The following PDLIM4 variants were observed in gnomAD, a reference collection of about 807,000 sequenced individuals.
PDLIM4 encodes PDZ and LIM domain 4.
In PDLIM4, 19 loss-of-function variants were observed where a neutral mutation model predicts 31.3. The observed-to-expected ratio is 0.61, with a 90% confidence interval of 0.42 to 0.89. The LOEUF (loss-of-function observed/expected upper bound fraction) is 0.89, where lower values mean the gene tolerates loss of function less well. Among genes scored for constraint, PDLIM4 ranks in the 40% least tolerant of loss-of-function variants. PDLIM4 has a pLI of 0.00. For missense variants in PDLIM4, 442 were observed against 461.1 expected (o/e 0.96, Z 0.38); for synonymous variants, 176 against 190.1 (o/e 0.93, Z 0.61).
intron 1 of PDLIM4, among the ~76,000 whole-genome samples, chr5:132,260,342 C>G (rs1306458411): frequency 6.6e-6 from 1 of 152,188 alleles, no homozygotes; most frequent in Non-Finnish European, 1.5e-5. Flanking sequence ...GACGGATCGG[C>G]CTGAATTCCA....
At chr5:132,259,336 G>A (rs1317795134) in intron 1 of PDLIM4, among the ~76,000 whole-genome samples, 1 of 152,112 alleles carries the variant, frequency 6.6e-6, no homozygotes, top group Non-Finnish European at 1.5e-5. Context: ...TGTTGCCCAC[G>A]CGGCTGCCTG....
intron 1 of PDLIM4, among the ~76,000 whole-genome samples, chr5:132,258,643 G>A (rs1439348621): frequency 6.6e-6 from 1 of 152,188 alleles, no homozygotes; most frequent in South Asian, 2.1e-4. Flanking sequence ...GCCCAGCCTC[G>A]ACATCCTCGT....
At chr5:132,269,656 A>G (rs1032319943) in intron 3 of PDLIM4, among the ~76,000 whole-genome samples, 1 of 152,034 alleles carries the variant, frequency 6.6e-6, no homozygotes, top group African/African-American at 2.4e-5. Flanking sequence ...AGGCTCAACT[A>G]TGCCTCAGAG....
At chr5:132,271,625 C>T in intron 5 of PDLIM4, 159 bp downstream of exon 5, 1 of 943,686 alleles carries the variant, frequency 1.1e-6, no homozygotes, top group Non-Finnish European at 1.7e-6. Flanking sequence ...GCCCTGGCTT[C>T]CCGATTCCCT....
At position 132,266,491 on chromosome 5, in the gene PDLIM4, C is replaced by T; in HGVS notation, c.273C>T (p.Ala91=). 1.9e-6 allele frequency: 3 copies of T among 1,612,944 alleles called. No individual in the cohort carries two copies. The highest frequency in any genetic ancestry group is 1.7e-6 in the Non-Finnish European group (2 of 1,179,100). The stretch of plus-strand genomic sequence containing the variant: ...CTGAGGGTAGGAGCTGGCCCAGTGC[C>T]CCTGATGACAGCAAGGCTCAGGCAC... ...SRPEGRSWPS[A]PDDSKAQAHR... The change falls in exon 3 of 7, where the codon GCC becomes GCT. Residue 91 remains alanine, a synonymous_variant. Transcript: ENST00000253754.
intron 3 of PDLIM4, among the ~76,000 whole-genome samples, chr5:132,267,273 T>C (rs1262266546): frequency 6.6e-6 from 1 of 152,188 alleles, no homozygotes; most frequent in Non-Finnish European, 1.5e-5. Flanking sequence ...CATTGCCTCC[T>C]GGGCCTGCCT....
At chr5:132,265,022 T>G (rs1756459194) in intron 2 of PDLIM4, among the ~76,000 whole-genome samples, 1 of 152,108 alleles carries the variant, frequency 6.6e-6, no homozygotes. Flanking sequence ...AAATCACACT[T>G]CCTGGGCATG....
chr5:132,258,072 C>T (rs1231800196), intron 1 of PDLIM4, among the ~76,000 whole-genome samples: 1 of 152,222 alleles, frequency 6.6e-6, no homozygotes, highest in Non-Finnish European at 1.5e-5. Context: ...ACCCGCCTCC[C>T]CGCTGGCCTC....
chr5:132,261,900 G>A (rs905309130), intron 1 of PDLIM4, among the ~76,000 whole-genome samples: 1 of 152,220 alleles, frequency 6.6e-6, no homozygotes, highest in African/African-American at 2.4e-5. Context: ...CATGAACAGT[G>A]TAGGGGGAAA....
intron 3 of PDLIM4, among the ~76,000 whole-genome samples, chr5:132,269,929 GTAGT>G (rs2126679008): frequency 6.6e-6 from 1 of 152,356 alleles, no homozygotes; most frequent in East Asian, 1.9e-4. Context: ...CCATGCGCAT[GTAGT>G]TAGTTGTATG....
At chr5:132,270,464 G>C (rs1756580633) in intron 3 of PDLIM4, 1 of 170,408 alleles carries the variant, frequency 5.9e-6, no homozygotes, top group Non-Finnish European at 1.3e-5. Flanking sequence ...TGAGTTCCCA[G>C]CCATGGGCCT....
intron 3 of PDLIM4, among the ~76,000 whole-genome samples, chr5:132,267,861 A>G (rs1010264426): frequency 6.6e-6 from 1 of 152,130 alleles, no homozygotes; most frequent in Non-Finnish European, 1.5e-5. Flanking sequence ...ACTTGCTCTG[A>G]TGGCCCCATG....
At chr5:132,259,804 T>A (rs1756335228) in intron 1 of PDLIM4, among the ~76,000 whole-genome samples, 1 of 152,066 alleles carries the variant, frequency 6.6e-6, no homozygotes, top group Admixed American at 6.5e-5. Context: ...CCATGAAGCC[T>A]CCAGGAGTCC....
intron 3 of PDLIM4, among the ~76,000 whole-genome samples, chr5:132,270,243 G>A (rs1756574917): frequency 1.3e-5 from 2 of 152,224 alleles, no homozygotes; most frequent in South Asian, 4.1e-4. Flanking sequence ...GGGGCAGAGA[G>A]CCTTGAGCCC....
In PDLIM4 at chr5:132,270,130, A is replaced by C. The variant is rs953223866; in HGVS notation, c.328-785A>C. Among the ~76,000 whole-genome samples, 5 of 152,192 alleles carry C rather than the reference A, an allele frequency of 3.3e-5. 1 individual carries two copies. Among genetic ancestry groups the C allele is most frequent in the Admixed American group, 2.0e-4 (3 of 15,284 alleles). ...ATCCCCAGTCCCCACTCAGACCCCC[A>C]CACACAGAGATACTGCCCTCTCCTC... On this transcript the variant is annotated intron_variant, in intron 3 of 6. Transcript: ENST00000253754.
intron 1 of PDLIM4, 109 bp from the exon 2 acceptor site, chr5:132,262,500 G>A: frequency 9.8e-7 from 1 of 1,016,936 alleles, no homozygotes; most frequent in Non-Finnish European, 1.4e-6. Flanking sequence ...AGGCCATGCT[G>A]GTAGCAGGCC....
chr5:132,263,219 G>A (rs866448529), intron 2 of PDLIM4, among the ~76,000 whole-genome samples: 8 of 152,218 alleles, frequency 5.3e-5, no homozygotes, highest in Non-Finnish European at 1.0e-4. Flanking sequence ...GTTAGATGGT[G>A]CTTAAAGTCA....
Position 132,272,405 on chromosome 5 carries a change from G to A in PDLIM4, c.*176G>A. On this transcript the variant is annotated 3_prime_UTR_variant, in exon 7 of 7. Transcript: ENST00000253754. ...CGAGTACAGTAGTATCTGCTTAGGT[G>A]CCAGGCATGTCCTAGGCTCTGGGTG... 1.6e-6 allele frequency: 1 copy of A among 632,258 alleles called. No individual in the cohort carries two copies. The highest frequency in any genetic ancestry group is 2.9e-6 in the Non-Finnish European group (1 of 350,132). The allele number at this position is 632,258 out of a possible 1,614,324, so 39.2% of individuals were successfully genotyped here. A position where few individuals can be genotyped will look rare whatever the true frequency, so the allele number is the denominator to read the frequency against.
intron 1 of PDLIM4, among the ~76,000 whole-genome samples, chr5:132,260,492 C>G (rs966399838): frequency 6.6e-6 from 1 of 152,156 alleles, no homozygotes; most frequent in Non-Finnish European, 1.5e-5. Context: ...CCCACTCTCC[C>G]CTCACTCATG....
Sources: gnomAD v4.1 joint callset for allele counts (sites outside exome capture counted in the v4.1 genomes callset) on GRCh38, gnomAD v4.1.1 for gene constraint, MANE v1.5 for transcripts, NCBI Gene and HGNC (gene_info 2026-07-23, HGNC 2026-07-21) for gene names.